The following DICER1 variants were observed in gnomAD, a reference collection of about 807,000 sequenced individuals.
DICER1 encodes dicer 1, ribonuclease III.
In DICER1, 43 loss-of-function variants were observed where a neutral mutation model predicts 194.1. The observed-to-expected ratio is 0.22, with a 90% confidence interval of 0.17 to 0.29. The LOEUF (loss-of-function observed/expected upper bound fraction) is 0.29. Among genes scored for constraint, DICER1 ranks in the 10% least tolerant of loss-of-function variants. DICER1 has a pLI of 1.00. For synonymous variants in DICER1, 832 were observed against 820.5 expected (o/e 1.01, Z -0.24); for missense variants, 1,608 against 2,317.0 (o/e 0.69, Z 6.28).
At chr14:95,110,206 G>A (rs1176687269) in intron 14 of DICER1, among the ~76,000 whole-genome samples, 2 of 152,132 alleles carry the variant, frequency 1.3e-5, no homozygotes, top group Non-Finnish European at 2.9e-5. Context: ...ATAAATGTGA[G>A]CTATAGATAC....
intron 1 of DICER1, among the ~76,000 whole-genome samples, chr14:95,139,004 A>T (rs1407516885): frequency 2.6e-5 from 4 of 151,314 alleles, no homozygotes; most frequent in African/African-American, 7.3e-5. Flanking sequence ...TAAAAAAAAA[A>T]AAAAAAGAAT....
chr14:95,105,860 T>G lies in DICER1; in HGVS notation c.2988-77A>C. On this transcript the variant is annotated intron_variant, in intron 18 of 26. Coordinates refer to ENST00000343455, the MANE Select transcript of DICER1 (RefSeq NM_177438.3). This position sits in a 1 kb window ranked among gnomAD's most constrained non-coding sequence, Gnocchi z 4.9. ...TCACAGTGGTTCTCCAAAAACCACC[T>G]GAAGAGCTCATTTCAACTACAGCCT... The G allele has an allele frequency of 7.0e-7, 1 of 1,428,870 alleles. No homozygotes were observed. The highest frequency in any genetic ancestry group is 2.3e-5 in the East Asian group (1 of 43,790). 88.5% of individuals were successfully genotyped at this position (1,428,870 alleles called of 1,614,324 possible).
chr14:95,118,541 G>C (rs1210879748), intron 8 of DICER1, among the ~76,000 whole-genome samples: 1 of 152,134 alleles, frequency 6.6e-6, no homozygotes, highest in African/African-American at 2.4e-5. Flanking sequence ...TTAACCCACA[G>C]TGCCTGTAAC....
At chr14:95,115,578 G>A (rs930321964) in intron 11 of DICER1, 89 bp downstream of exon 11, 103 of 1,448,618 alleles carry the variant, frequency 7.1e-5, no homozygotes, top group Non-Finnish European at 9.0e-5. Context: ...ACTGGTAACC[G>A]CAAAATGTCA....
In DICER1 at chr14:95,095,892, T is replaced by G. The variant is rs1555367513; in HGVS notation, c.5028A>C (p.Arg1676Ser). 1 of 1,614,188 alleles carries G rather than the reference T, an allele frequency of 6.2e-7. No individual in the cohort carries two copies. Among genetic ancestry groups the G allele is most frequent in the Non-Finnish European group, 8.5e-7 (1 of 1,180,016 alleles). The change falls in exon 23 of 27, where the codon AGA becomes AGC. Residue 1676 changes from arginine (R) to serine (S), a missense_variant. By Grantham distance (110) the Arg-to-Ser change is moderately radical. Coordinates refer to ENST00000343455, the MANE Select transcript of DICER1 (RefSeq NM_177438.3). ...GGAGAAGGTAAGCCTTATTCTTGAA[T>G]CTGTAGTTGATTTTCTTTTCAAAAT... ...FENFEKKINY[R>S]FKNKAYLLQA...
Position 95,105,279 on chromosome 14 carries a change from A to G in DICER1, c.3094-33T>C. 6.3e-7 allele frequency: 1 copy of G among 1,579,624 alleles called. No homozygotes were observed. Among genetic ancestry groups the G allele is most frequent in the Middle Eastern group, 1.7e-4 (1 of 5,990 alleles). The stretch of plus-strand genomic sequence containing the variant: ...TAAGGGGAAAAATGGACAGATAAAT[A>G]CAAAGCGCACACACAAAAGAAAAAA... On this transcript the variant is annotated intron_variant, in intron 19 of 26. Coordinates refer to ENST00000343455, the MANE Select transcript of DICER1 (RefSeq NM_177438.3). This position sits in a 1 kb window ranked among gnomAD's most constrained non-coding sequence, Gnocchi z 4.9.
chr14:95,124,647 C>T lies in DICER1; in HGVS notation c.925G>A (p.Val309Ile), dbSNP rs1181141404. 1.5e-5 allele frequency: 25 copies of T among 1,613,198 alleles called. No homozygotes were observed. Among genetic ancestry groups the T allele is most frequent in the Admixed American group, 6.7e-5 (4 of 59,980 alleles). The change falls in exon 8 of 27, where the codon GTA becomes ATA. Residue 309 changes from valine to isoleucine, a missense_variant. Coordinates refer to ENST00000343455, the MANE Select transcript of DICER1 (RefSeq NM_177438.3). This position sits in a 1 kb window ranked among gnomAD's most constrained non-coding sequence, Gnocchi z 4.5. ...SKQILSDCRA[V>I]LVVLGPWCAD... ...CACCAGGGTCCCAGAACTACCAATA[C>T]GGCACGACAGTCTGATAGTATCTAC...
intron 22 of DICER1, among the ~76,000 whole-genome samples, chr14:95,098,201 G>A (rs17091810): frequency 0.18 from 27,566 of 152,062 alleles, 3,536 homozygotes; most frequent in East Asian, 0.38. Flanking sequence ...GTGGGGTTCT[G>A]TCTCATAAAA....
intron 21 of DICER1, among the ~76,000 whole-genome samples, chr14:95,101,361 A>T (rs1382573712): frequency 1.3e-5 from 2 of 152,194 alleles, no homozygotes; most frequent in Non-Finnish European, 2.9e-5. Flanking sequence ...TTTGTAATAG[A>T]AAGTCACCTC....
intron 21 of DICER1, 147 bp from the exon 22 acceptor site, chr14:95,100,082 T>C: frequency 3.6e-6 from 3 of 838,396 alleles, no homozygotes; most frequent in Non-Finnish European, 5.4e-6. Flanking sequence ...TCTACAGTTT[T>C]TCTACCCATT....
In DICER1 at chr14:95,091,017, G is replaced by A. The variant is rs1275482607; in HGVS notation, c.5603+17C>T. ...GTTTTTAAGTTAATGTTTTTTCCAT[G>A]TACATTTTTTGCTTACCTAAATTTG... is the stretch of plus-strand genomic sequence containing the variant. On this transcript the variant is annotated intron_variant, in intron 26 of 26. Coordinates refer to ENST00000343455, the MANE Select transcript of DICER1 (RefSeq NM_177438.3). The A allele has an allele frequency of 6.2e-7, 1 of 1,605,570 alleles. No homozygotes were observed. Among genetic ancestry groups the A allele is most frequent in the Non-Finnish European group, 8.5e-7 (1 of 1,173,336 alleles).
chr14:95,098,809 T>G (rs552967499), intron 22 of DICER1, among the ~76,000 whole-genome samples: 73 of 152,200 alleles, frequency 4.8e-4, no homozygotes, highest in Non-Finnish European at 8.8e-4. Flanking sequence ...TCCAAATAAG[T>G]TCTAATTCTG....
rs1434924094 is a variant in DICER1, at chr14:95,096,358, T to C, written c.4562A>G (p.Asp1521Gly). 6.2e-7 allele frequency: 1 copy of C among 1,614,196 alleles called. No homozygotes were observed. Among genetic ancestry groups the C allele is most frequent in the Non-Finnish European group, 8.5e-7 (1 of 1,180,034 alleles). ...YLDPSKAVEE[D>G]DFVVGFWNPS... ...ATTCCAGAACCCCACCACAAAGTCA[T>C]CTTCTTCAACAGCTTTGCTAGGATC... Residue 1521 changes from aspartate (D) to glycine (G), a missense_variant, in exon 23 of 27, where the codon GAT (aspartate) becomes GGT (glycine). Asp to Gly is a moderately conservative substitution (Grantham distance 94, BLOSUM62 -1). Transcript: ENST00000343455.
intron 6 of DICER1, among the ~76,000 whole-genome samples, chr14:95,127,358 C>G (rs1595450695): frequency 6.6e-6 from 1 of 152,200 alleles, no homozygotes; most frequent in Non-Finnish European, 1.5e-5. Flanking sequence ...TAAAGTGGTA[C>G]TCATGTTTAT....
intron 14 of DICER1, 133 bp downstream of exon 14, chr14:95,111,184 A>C (rs1891919663): frequency 2.1e-6 from 2 of 934,850 alleles, no homozygotes; most frequent in South Asian, 2.6e-5. Flanking sequence ...GAATCGGAGA[A>C]AGGAGCTGAG....
Position 95,103,856 on chromosome 14 carries a change from G to T in DICER1, c.3540C>A (p.Tyr1180Ter), listed in dbSNP as rs886037704. 1.2e-6 allele frequency: 2 copies of T among 1,614,204 alleles called. No homozygotes were observed. Among genetic ancestry groups the T allele is most frequent in the Non-Finnish European group, 8.5e-7 (1 of 1,180,040 alleles). Residue 1180 changes from tyrosine (Y) to a stop codon, truncating the protein, a stop_gained, in exon 21 of 27, where the codon TAC becomes TAA. Coordinates refer to ENST00000343455, the MANE Select transcript of DICER1 (RefSeq NM_177438.3). LOFTEE classifies it high-confidence loss of function. ...ADLTAINGLS[Y>*]NQNLANGSYD... is the part of the protein sequence containing the mutation. ...AACTGCCATTGGCGAGATTTTGATTGTAAGAAAGACCATTAATTGCTGTAA... is the reference window on the plus strand; with the variant it reads ...AACTGCCATTGGCGAGATTTTGATTTTAAGAAAGACCATTAATTGCTGTAA...
At chr14:95,112,297 C>T in intron 12 of DICER1, 50 bp from the exon 13 acceptor site, 2 of 1,449,302 alleles carry the variant, frequency 1.4e-6, no homozygotes, top group Non-Finnish European at 1.9e-6. Flanking sequence ...GCTGTATTAC[C>T]TCTAGCACAT....
chr14:95,137,575 G>A (rs1264169906), intron 1 of DICER1, among the ~76,000 whole-genome samples: 1 of 151,696 alleles, frequency 6.6e-6, no homozygotes, highest in Admixed American at 6.6e-5. Context: ...GGAAGGGAAA[G>A]GGGAAGGGGA....
At position 95,115,802 on chromosome 14, in the gene DICER1, G is replaced by A. The variant is rs1555372631; in HGVS notation, c.1772C>T (p.Ser591Phe). The change falls in exon 11 of 27, where the codon TCC (serine) becomes TTC (phenylalanine). Residue 591 changes from serine to phenylalanine, a missense_variant. Around this residue, in one of 10 missense-constraint regions of DICER1, gnomAD observed 657 missense variants for 910.1 expected, o/e 0.72. Coordinates refer to ENST00000343455, the MANE Select transcript of DICER1 (RefSeq NM_177438.3). ...AGTCTCACCAGTATCAACCGACTTG[G>A]AACACTTGTTTCTCAAGATCTGAAC... ...AIEKILRNKC[S>F]KSVDTGETDI... 3.1e-6 allele frequency: 5 copies of A among 1,613,942 alleles called. No homozygotes were observed. In the African/African-American group the frequency reaches 4.0e-5, roughly 13 times the overall value.
Sources: gnomAD v4.1 joint callset for allele counts (sites outside exome capture counted in the v4.1 genomes callset) on GRCh38, gnomAD v4.1.1 for gene constraint, gnomAD v4.1.1 regional missense constraint, Gnocchi (gnomAD v3.1) non-coding constraint, MANE v1.5 for transcripts, NCBI Gene and HGNC (gene_info 2026-07-23, HGNC 2026-07-21) for gene names.